EYS: variants seen among roughly 807,000 people sequenced by gnomAD.
The protein encoded by EYS is protein eyes shut homolog.
EYS carries 250 observed loss-of-function variants against 282.1 expected under a neutral mutation model. The observed-to-expected ratio is 0.89, with a 90% CI of 0.80 to 0.98. EYS has a LOEUF of 0.98. Among genes scored for constraint, EYS ranks in the 50% least tolerant of loss-of-function variants. The pLI, the probability that EYS is intolerant of heterozygous loss-of-function variation, is 0.00. For synonymous variants in EYS, 1,355 were observed against 1,282.9 expected (o/e 1.06, Z -1.20); for missense variants, 4,016 against 3,709.0 (o/e 1.08, Z -2.15).
intron 13 of EYS, among the ~76,000 whole-genome samples, chr6:65,026,379 A>T (rs1389769189): frequency 2.0e-5 from 3 of 152,188 alleles, no homozygotes; most frequent in Non-Finnish European, 1.5e-5. Context: ...TCTTAACAGA[A>T]GCATAAAAGT....
At chr6:64,758,839 T>C (rs1489250736) in intron 22 of EYS, among the ~76,000 whole-genome samples, 1 of 152,152 alleles carries the variant, frequency 6.6e-6, no homozygotes, top group African/African-American at 2.4e-5. Context: ...TCACCAATGA[T>C]AGTAGAAAAT....
intron 12 of EYS, among the ~76,000 whole-genome samples, chr6:65,209,774 C>A (rs2150251264): frequency 6.6e-6 from 1 of 151,920 alleles, no homozygotes; most frequent in South Asian, 2.1e-4. Flanking sequence ...TCAGGGATCA[C>A]CAATCTAAGG....
intron 29 of EYS, among the ~76,000 whole-genome samples, chr6:64,336,226 C>T (rs1770846726): frequency 2.0e-5 from 3 of 152,102 alleles, no homozygotes; most frequent in Non-Finnish European, 4.4e-5. Flanking sequence ...CAACTACCTG[C>T]TGCCTTCAGG....
intron 26 of EYS, among the ~76,000 whole-genome samples, chr6:64,515,660 C>A (rs1456782288): frequency 6.6e-6 from 1 of 151,382 alleles, no homozygotes; most frequent in East Asian, 1.9e-4. Flanking sequence ...TGTGTACCTA[C>A]AAATGTCATT....
chr6:65,619,475 GAT>G (rs1410233461), intron 2 of EYS, among the ~76,000 whole-genome samples: 2 of 152,260 alleles, frequency 1.3e-5, no homozygotes, highest in African/African-American at 4.8e-5. Flanking sequence ...GGGTTTTCCA[GAT>G]ATACAATCAT....
At chr6:65,364,077 T>C (rs1035427644) in intron 8 of EYS, among the ~76,000 whole-genome samples, 2 of 151,180 alleles carry the variant, frequency 1.3e-5, no homozygotes. Context: ...TTTTTAAATT[T>C]GTTTTTCCAA....
intron 26 of EYS, among the ~76,000 whole-genome samples, chr6:64,544,464 A>C (rs150205948): frequency 6.6e-6 from 1 of 152,284 alleles, no homozygotes; most frequent in Non-Finnish European, 1.5e-5. Flanking sequence ...GGAGAGAGAA[A>C]GGAAAATTGT....
At chr6:65,333,105 C>T (rs1454182891) in intron 11 of EYS, among the ~76,000 whole-genome samples, 1 of 149,934 alleles carries the variant, frequency 6.7e-6, no homozygotes, top group East Asian at 2.0e-4. Context: ...TTCCTTCTTT[C>T]TACTTATTTT....
intron 35 of EYS, among the ~76,000 whole-genome samples, chr6:63,944,546 A>C (rs1482624468): frequency 6.6e-6 from 1 of 152,242 alleles, no homozygotes; most frequent in Non-Finnish European, 1.5e-5. Flanking sequence ...TAGTTAACAC[A>C]TGCATTACCT....
chr6:64,534,480 A>C (rs1319354651), intron 26 of EYS, among the ~76,000 whole-genome samples: 1 of 152,148 alleles, frequency 6.6e-6, no homozygotes, highest in Non-Finnish European at 1.5e-5. Flanking sequence ...TTAATCATTC[A>C]ATAAATAAGC....
intron 28 of EYS, among the ~76,000 whole-genome samples, chr6:64,427,999 A>ATTACAC (rs1233570075): frequency 6.6e-6 from 1 of 152,116 alleles, no homozygotes; most frequent in African/African-American, 2.4e-5. Flanking sequence ...CAGTAAACTA[A>ATTACAC]TTACACTATG....
At chr6:65,006,153 C>G (rs1771645906) in intron 13 of EYS, among the ~76,000 whole-genome samples, 1 of 151,794 alleles carries the variant, frequency 6.6e-6, no homozygotes, top group Admixed American at 6.6e-5. Context: ...ACCCGTTCCC[C>G]ACCACCTGTG....
At position 64,832,350 on chromosome 6, in the gene EYS, A is replaced by AAACACTGCATGATTC. The variant is rs1390118193; in HGVS notation, c.2993-9529_2993-9528insGAATCATGCAGTGTT. Among the ~76,000 whole-genome samples the AAACACTGCATGATTC allele has an allele frequency of 1.7e-3, 254 of 152,054 alleles. 1 individual carries two copies. The highest frequency in any genetic ancestry group is 5.9e-3 in the African/African-American group (244 of 41,560). Reference sequence around the variant, plus strand: ...TTAGTTCCTAGGTTCTGTTATGATTAAAATAAACACTGCATGATTCTATCT... The same window carrying AAACACTGCATGATTC: ...TTAGTTCCTAGGTTCTGTTATGATTAAACACTGCATGATTCAAATAAACACTGCATGATTCTATCT... On this transcript the variant is annotated intron_variant, in intron 19 of 42. Transcript: ENST00000503581.
At chr6:64,956,856 C>G (rs1195060568) in intron 14 of EYS, among the ~76,000 whole-genome samples, 1 of 152,096 alleles carries the variant, frequency 6.6e-6, no homozygotes, top group East Asian at 1.9e-4. Context: ...CACTGATTAT[C>G]AGAGAAATGC....
chr6:64,165,969 C>G (rs1764277784), intron 31 of EYS, among the ~76,000 whole-genome samples: 1 of 152,196 alleles, frequency 6.6e-6, no homozygotes, highest in African/African-American at 2.4e-5. Flanking sequence ...CTTTCCTCCT[C>G]CATTCCTACA....
At chr6:64,574,278 G>T (rs1486794854) in intron 26 of EYS, among the ~76,000 whole-genome samples, 1 of 152,066 alleles carries the variant, frequency 6.6e-6, no homozygotes, top group Non-Finnish European at 1.5e-5. Flanking sequence ...GCCTATTGGT[G>T]GGTGGGGGCA....
At chr6:65,485,959 T>C (rs558116921) in intron 5 of EYS, among the ~76,000 whole-genome samples, 54 of 152,372 alleles carry the variant, frequency 3.5e-4, no homozygotes, top group African/African-American at 1.3e-3. Flanking sequence ...CTGACAATAT[T>C]GGTAGTGCCA....
At chr6:65,165,288 GT>G (rs67506368) in intron 12 of EYS, among the ~76,000 whole-genome samples, 7,693 of 138,706 alleles carry the variant, frequency 0.055, 543 homozygotes, top group African/African-American at 0.17. Flanking sequence ...AGTTTTCTTT[GT>G]TTTTTTTTTT....
intron 23 of EYS, among the ~76,000 whole-genome samples, chr6:64,618,079 C>CCATT (rs1328306273): frequency 1.3e-5 from 2 of 152,110 alleles, no homozygotes; most frequent in Non-Finnish European, 2.9e-5. Flanking sequence ...GTACATTTGG[C>CCATT]CATTGGCTGT....
Sources: gnomAD v4.1 joint callset for allele counts (sites outside exome capture counted in the v4.1 genomes callset) on GRCh38, gnomAD v4.1.1 for gene constraint, MANE v1.5 for transcripts, NCBI Gene and HGNC (gene_info 2026-07-23, HGNC 2026-07-21) for gene names.